FH: variants seen among roughly 807,000 people sequenced by gnomAD.
FH encodes fumarate hydratase, mitochondrial.
FH carries 22 observed loss-of-function variants against 49.4 expected under a neutral mutation model. The ratio of observed to expected loss-of-function variants is 0.45; its 90% CI spans 0.32 to 0.64. The LOEUF (loss-of-function observed/expected upper bound fraction) is 0.64. FH is among the 30% of genes least tolerant of loss of function. The probability of loss-of-function intolerance (pLI) is 0.05; values close to 1 mark genes in which losing one functional copy is unlikely to be tolerated. For missense variants in FH, 526 were observed against 641.5 expected (o/e 0.82, Z 1.95); for synonymous variants, 208 against 223.0 (o/e 0.93, Z 0.60).
At position 241,506,344 on chromosome 1, in the gene FH, GAGGGTTTA is replaced by G. The variant is rs1659929958; in HGVS notation, c.739-184_739-177del. Among the ~76,000 whole-genome samples, 3 of 152,314 alleles carry G rather than the reference GAGGGTTTA, an allele frequency of 2.0e-5. No individual in the cohort carries two copies. In the South Asian group the frequency reaches 6.2e-4, roughly 32 times the overall value. On this transcript the variant is annotated intron_variant, in intron 5 of 9. Transcript: ENST00000366560. ...TGATGAGCAAAGTATAGGGAAGGATGAGGGTTTATAGAACCATAAGGTACGACAATGCC... is the reference window on the plus strand; with the variant it reads ...TGATGAGCAAAGTATAGGGAAGGATGTAGAACCATAAGGTACGACAATGCC...
chr1:241,505,603 A>G (rs1006965235), intron 6 of FH, among the ~76,000 whole-genome samples: 2 of 152,154 alleles, frequency 1.3e-5, no homozygotes, highest in African/African-American at 4.8e-5. Context: ...CAATAATTCA[A>G]AGAATTATCA....
chr1:241,502,634 G>T, intron 7 of FH, 64 bp from the exon 8 acceptor site: 1 of 1,559,450 alleles, frequency 6.4e-7, no homozygotes, highest in South Asian at 1.1e-5. Flanking sequence ...GGAGAATAAA[G>T]AAATCTAATT....
chr1:241,514,710 G>T (rs545489332), intron 2 of FH, among the ~76,000 whole-genome samples: 1 of 151,912 alleles, frequency 6.6e-6, no homozygotes, highest in African/African-American at 2.4e-5. Context: ...ATAAGCTGAG[G>T]GTCAAATAGA....
chr1:241,498,787 A>G (rs1273929523), intron 9 of FH, among the ~76,000 whole-genome samples: 3 of 140,436 alleles, frequency 2.1e-5, no homozygotes, highest in Non-Finnish European at 4.6e-5. Context: ...AATGCGGGAG[A>G]AAAAAAACAA....
chr1:241,517,376 C>T (rs1660248640), intron 1 of FH, 60 bp from the exon 2 acceptor site: 4 of 1,575,880 alleles, frequency 2.5e-6, no homozygotes, highest in Admixed American at 1.7e-5. Context: ...CAAAAGTAAT[C>T]GCATCTTATC....
rs542088162 is a variant in FH, at chr1:241,509,097, T to C, written c.556-312A>G. ...ATTATGTATTATATTATGTATTACG[T>C]ATTATATCTGCCTGCTAATAAATGA... On this transcript the variant is annotated intron_variant, in intron 4 of 9. Coordinates refer to ENST00000366560, the MANE Select transcript of FH (RefSeq NM_000143.4). Among the ~76,000 whole-genome samples, 22 of 149,674 alleles carry C rather than the reference T, an allele frequency of 1.5e-4. No homozygotes were observed. The South Asian group carries it at 4.2e-3, about 28-fold the overall frequency.
intron 4 of FH, among the ~76,000 whole-genome samples, chr1:241,511,465 AG>A (rs1660080921): frequency 6.6e-6 from 1 of 152,230 alleles, no homozygotes; most frequent in South Asian, 2.1e-4. Flanking sequence ...GAAGAAACCA[AG>A]GGGACATGTG....
At chr1:241,503,138 CAAGTT>C (rs1659824936) in intron 7 of FH, among the ~76,000 whole-genome samples, 1 of 152,192 alleles carries the variant, frequency 6.6e-6, no homozygotes, top group Non-Finnish European at 1.5e-5. Context: ...CTGACCAGTA[CAAGTT>C]AACACACTGG....
At chr1:241,500,654 A>G (rs1412574391) in intron 8 of FH, 64 bp from the exon 9 acceptor site, 1 of 1,496,456 alleles carries the variant, frequency 6.7e-7, no homozygotes, top group African/African-American at 1.4e-5. Context: ...TACTAAGGCA[A>G]CATGTTTTTT....
At chr1:241,512,336 G>A (rs1299162406) in intron 3 of FH, among the ~76,000 whole-genome samples, 193 bp from the exon 4 acceptor site, 3 of 152,130 alleles carry the variant, frequency 2.0e-5, no homozygotes, top group Non-Finnish European at 4.4e-5. Context: ...AATGAAAAGG[G>A]AATCAAAGGT....
intron 5 of FH, among the ~76,000 whole-genome samples, chr1:241,506,668 G>A (rs1430005357): frequency 6.6e-6 from 1 of 152,116 alleles, no homozygotes; most frequent in African/African-American, 2.4e-5. Context: ...ATTCTACAGA[G>A]ACTTGGGAAG....
At position 241,502,495 on chromosome 1, in the gene FH, G is replaced by A. The variant is rs878853690; in HGVS notation, c.1184C>T (p.Thr395Ile). 1 of 1,614,038 alleles carries A rather than the reference G, an allele frequency of 6.2e-7. No individual in the cohort carries two copies. Among genetic ancestry groups the A allele is most frequent in the African/African-American group, 1.3e-5 (1 of 74,928 alleles). Residue 395 changes from threonine to isoleucine, a missense_variant, in exon 8 of 10, where the codon ACT becomes ATT. This residue lies in a region of FH where 383 missense variants were observed against 514.0 expected (regional missense o/e 0.75). Coordinates refer to ENST00000366560, the MANE Select transcript of FH (RefSeq NM_000143.4). ...AQVMGNHVAV[T>I]VGGSNGHFEL... is the part of the protein sequence containing the mutation. ...AAAATGTCCATTGCTGCCTCCGACA[G>A]TGACAGCAACATGGTTCCCCATGAC...
intron 6 of FH, among the ~76,000 whole-genome samples, chr1:241,505,690 C>T (rs1659910976): frequency 6.6e-6 from 1 of 152,180 alleles, no homozygotes. Flanking sequence ...TTACTCAACA[C>T]TCAGTTTTTT....
chr1:241,501,722 T>C (rs534184522), intron 8 of FH, among the ~76,000 whole-genome samples: 4 of 152,336 alleles, frequency 2.6e-5, no homozygotes, highest in Admixed American at 2.0e-4. Flanking sequence ...TACTCTACTT[T>C]AGCTATAACA....
At chr1:241,499,977 T>C (rs572674891) in intron 9 of FH, among the ~76,000 whole-genome samples, 10 of 152,336 alleles carry the variant, frequency 6.6e-5, no homozygotes, top group African/African-American at 2.2e-4. Flanking sequence ...ATAAACTTTT[T>C]CTTTTAATTG....
At chr1:241,519,527 G>A in intron 1 of FH, 64 bp downstream of exon 1, 3 of 1,512,110 alleles carry the variant, frequency 2.0e-6, no homozygotes, top group Non-Finnish European at 2.7e-6. Flanking sequence ...CGGGCGCCCA[G>A]GCCGGCAGGC....
At chr1:241,514,044 T>G (rs1041773069) in intron 2 of FH, among the ~76,000 whole-genome samples, 1 of 152,208 alleles carries the variant, frequency 6.6e-6, no homozygotes, top group Non-Finnish European at 1.5e-5. Flanking sequence ...AAATTATATG[T>G]GTTTATTTCA....
chr1:241,516,268 T>G (rs912742776), intron 2 of FH, among the ~76,000 whole-genome samples: 1 of 152,098 alleles, frequency 6.6e-6, no homozygotes, highest in Non-Finnish European at 1.5e-5. Flanking sequence ...AACCCAAATG[T>G]CCATCAATAA....
intron 4 of FH, among the ~76,000 whole-genome samples, chr1:241,509,736 A>G (rs763239437): frequency 6.6e-6 from 1 of 150,818 alleles, no homozygotes; most frequent in Non-Finnish European, 1.5e-5. Flanking sequence ...TGCTCACTCT[A>G]CTGCACTCCA....
Sources: allele counts gnomAD v4.1 joint callset (sites outside exome capture counted in the v4.1 genomes callset), GRCh38; gene constraint gnomAD v4.1.1; regional missense constraint gnomAD v4.1.1; transcripts MANE v1.5; gene names NCBI Gene and HGNC (gene_info 2026-07-23, HGNC 2026-07-21).